Variants in KCNS2 observed in about 807,000 individuals in gnomAD.
The protein encoded by KCNS2 is delayed-rectifier potassium channel regulatory subunit KCNS2.
In KCNS2, 15 loss-of-function variants were observed where a neutral mutation model predicts 28.3. That is an observed-to-expected ratio of 0.53 (90% confidence interval 0.35 to 0.82). The LOEUF is 0.82. Among genes scored for constraint, KCNS2 ranks in the 40% least tolerant of loss-of-function variants. The pLI is 0.01. For missense variants in KCNS2, 501 were observed against 617.1 expected (o/e 0.81, Z 1.99); for synonymous variants, 254 against 256.7 (o/e 0.99, Z 0.10).
rs1818318501 is a variant in KCNS2 at position 98,431,076 on chromosome 8, C to T, written c.*1663C>T. The stretch of plus-strand genomic sequence containing the variant: ...AGAACCCAGGGGTCTGAGCATGGAG[C>T]TATCCAGGGTTTTCATCCAAAGGTT... On this transcript the variant is annotated 3_prime_UTR_variant, in exon 2 of 2. Transcript: ENST00000287042. 1 of 167,082 alleles carries T rather than the reference C, an allele frequency of 6.0e-6. No individual in the cohort carries two copies. Among genetic ancestry groups the T allele is most frequent in the Admixed American group, 6.5e-5 (1 of 15,282 alleles). 10.3% of individuals were successfully genotyped at this position (167,082 alleles called of 1,614,324 possible).
At position 98,429,071 on chromosome 8, in the gene KCNS2, C is replaced by G; in HGVS notation, c.1092C>G (p.Cys364Trp). ...ENEGLATIPA[C>W]WWWATVSMTT... ...AGGGCCTGGCCACCATCCCTGCCTG[C>G]TGGTGGTGGGCTACCGTCAGTATGA... Residue 364 changes from cysteine (C) to tryptophan (W), a missense_variant, in exon 2 of 2, where the codon TGC (cysteine) becomes TGG (tryptophan). By Grantham distance (215) the Cys-to-Trp change is radical. Transcript: ENST00000287042. The G allele has an allele frequency of 6.2e-7, 1 of 1,613,152 alleles. No homozygotes were observed. Among genetic ancestry groups the G allele is most frequent in the South Asian group, 1.1e-5 (1 of 91,008 alleles).
At position 98,428,004 on chromosome 8, in the gene KCNS2, G is replaced by T; in HGVS notation, c.25G>T (p.Val9Leu). MTGQSLWD[V>L]SEANVEDGEI... Reference sequence around the variant, plus strand: ...CATGACCGGCCAGAGCCTGTGGGACGTGTCGGAGGCTAACGTCGAGGACGG... The same window carrying T: ...CATGACCGGCCAGAGCCTGTGGGACTTGTCGGAGGCTAACGTCGAGGACGG... The change falls in exon 2 of 2, where the codon GTG becomes TTG. Residue 9 changes from valine to leucine, a missense_variant. Val to Leu is a conservative substitution (Grantham distance 32). Coordinates refer to ENST00000287042, the MANE Select transcript of KCNS2 (RefSeq NM_020697.4). This position sits in a 1 kb window ranked among gnomAD's most constrained non-coding sequence, Gnocchi z 6.7. The T allele has an allele frequency of 6.3e-7, 1 of 1,576,496 alleles. No homozygotes were observed. The highest frequency in any genetic ancestry group is 8.6e-7 in the Non-Finnish European group (1 of 1,159,510).
rs958612073 is a variant in KCNS2 at position 98,427,964 on chromosome 8, G to C, written c.-16G>C. On this transcript the variant is annotated 5_prime_UTR_variant, in exon 2 of 2. Transcript: ENST00000287042. ...TGTAGCGCCCCCGCGCGGCGCGGGC[G>C]GCCGGCGCCTCCAGCATGACCGGCC... 3 of 1,486,914 alleles carry C rather than the reference G, an allele frequency of 2.0e-6. No individual in the cohort carries two copies. The highest frequency in any genetic ancestry group is 2.5e-5 in the Admixed American group (1 of 40,318). 92.1% of individuals were successfully genotyped at this position (1,486,914 alleles called of 1,614,324 possible).
Position 98,428,455 on chromosome 8 carries a change from C to G in KCNS2, c.476C>G (p.Ser159Cys), listed in dbSNP as rs749919384. The G allele has an allele frequency of 6.8e-6, 11 of 1,614,156 alleles. No homozygotes were observed. Among genetic ancestry groups the G allele is most frequent in the Non-Finnish European group, 9.3e-6 (11 of 1,180,042 alleles). ...ATCCTTGCCTTCTACAACGACGCCT[C>G]CAAGTTCGATGGGCAGCCCCTCGGC... The part of the protein sequence containing the change: ...DEILAFYNDA[S>C]KFDGQPLGNF... The change falls in exon 2 of 2, where the codon TCC (serine) becomes TGC (cysteine). Residue 159 changes from serine (S) to cysteine (C), a missense_variant. Ser to Cys is a moderately radical substitution (Grantham distance 112). Transcript: ENST00000287042. This position sits in a 1 kb window ranked among gnomAD's most constrained non-coding sequence, Gnocchi z 6.7.
Position 98,429,702 on chromosome 8 carries a change from A to C in KCNS2, c.*289A>C. 1 of 385,200 alleles carries C rather than the reference A, an allele frequency of 2.6e-6. No individual in the cohort carries two copies. The allele number at this position is 385,200 out of a possible 1,614,324, so 23.9% of individuals were successfully genotyped here. A position where few individuals can be genotyped will look rare whatever the true frequency, so the allele number is the denominator to read the frequency against. ...CCAGATGAGTACACCCAGAATGCTA[A>C]TTTTTCTGTCCATCGTGTACGCTAT... On this transcript the variant is annotated 3_prime_UTR_variant, in exon 2 of 2. Transcript: ENST00000287042.
chr8:98,428,507 G>T lies in KCNS2; in HGVS notation c.528G>T (p.Ala176=). 1 of 1,614,072 alleles carries T rather than the reference G, an allele frequency of 6.2e-7. No individual in the cohort carries two copies. ...ACTTCCGCAGGCAGCTGTGGCTGGC[G>T]CTGGACAACCCCGGCTACTCAGTGC... is the stretch of plus-strand genomic sequence containing the variant. ...LGNFRRQLWL[A]LDNPGYSVLS... Residue 176 remains alanine (A), a synonymous_variant, in exon 2 of 2, where the codon GCG becomes GCT. Transcript: ENST00000287042. This position sits in a 1 kb window ranked among gnomAD's most constrained non-coding sequence, Gnocchi z 6.7.
At position 98,431,671 on chromosome 8, in the gene KCNS2, T is replaced by C. The variant is rs1012281301; in HGVS notation, c.*2258T>C. ...AATAACTCAGTCACTTTCATGAAGA[T>C]TTTTCTAAACAAGAAGGCTTACCAC... is the stretch of plus-strand genomic sequence containing the variant. On this transcript the variant is annotated 3_prime_UTR_variant, in exon 2 of 2. Transcript: ENST00000287042. 1 of 167,046 alleles carries C rather than the reference T, an allele frequency of 6.0e-6. No homozygotes were observed. Among genetic ancestry groups the C allele is most frequent in the Non-Finnish European group, 1.5e-5 (1 of 68,110 alleles). 10.3% of individuals were successfully genotyped at this position (167,046 alleles called of 1,614,324 possible).
Position 98,428,162 on chromosome 8 carries a change from C to T in KCNS2, c.183C>T (p.Asp61=), listed in dbSNP as rs903547147. The T allele has an allele frequency of 1.2e-6, 2 of 1,614,110 alleles. No homozygotes were observed. Among genetic ancestry groups the T allele is most frequent in the East Asian group, 2.2e-5 (1 of 44,866 alleles). ...SREAILELCD[D]YDDVQREFYF... ...AGGCCATTCTGGAGCTCTGCGATGA[C>T]TACGACGACGTCCAGCGGGAGTTCT... The change falls in exon 2 of 2, where the codon GAC becomes GAT. Residue 61 remains aspartate, a synonymous_variant. Transcript: ENST00000287042. The surrounding 1 kb of genome is among the most constrained non-coding windows in gnomAD (Gnocchi z 6.7).
rs1818250441 is a variant in KCNS2, at chr8:98,427,286, G to C, written c.-86G>C. The C allele has an allele frequency of 6.6e-6, 1 of 151,618 alleles. No homozygotes were observed. Among genetic ancestry groups the C allele is most frequent in the Non-Finnish European group, 1.5e-5 (1 of 67,882 alleles). The allele number at this position is 151,618 out of a possible 1,614,324, so 9.4% of individuals were successfully genotyped here. ...GCCGCGATGCTCGCCCGCGGGTTGG[G>C]GAAGTTTCCCGCCGGCCTCGGCCGC... On this transcript the variant is annotated 5_prime_UTR_variant, in exon 1 of 2. Transcript: ENST00000287042.
At position 98,429,333 on chromosome 8, in the gene KCNS2, G is replaced by A. The variant is rs1818295403; in HGVS notation, c.1354G>A (p.Val452Ile). The A allele has an allele frequency of 1.2e-6, 2 of 1,614,214 alleles. No homozygotes were observed. Among genetic ancestry groups the A allele is most frequent in the African/African-American group, 1.3e-5 (1 of 75,072 alleles). Residue 452 changes from valine (V) to isoleucine (I), a missense_variant, in exon 2 of 2, where the codon GTT (valine) becomes ATT (isoleucine). Val to Ile is a conservative substitution (Grantham distance 29). Transcript: ENST00000287042. Reference sequence around the variant, plus strand: ...TTTAAGGGACTATTATGCCCATAAAGTTAAATCCCTTATGGCAAGCCTGAC... The same window carrying A: ...TTTAAGGGACTATTATGCCCATAAAATTAAATCCCTTATGGCAAGCCTGAC... ...VNLRDYYAHK[V>I]KSLMASLTNM...
rs201873843 is a variant in KCNS2, at chr8:98,429,133, C to T, written c.1154C>T (p.Thr385Met). Residue 385 changes from threonine (T) to methionine (M), a missense_variant, in exon 2 of 2, where the codon ACG (threonine) becomes ATG (methionine). Coordinates refer to ENST00000287042, the MANE Select transcript of KCNS2 (RefSeq NM_020697.4). ...TACGGGGATGTGGTCCCAGGGACCA[C>T]GGCAGGAAAGCTGACTGCCTCTGCC... ...VGYGDVVPGT[T>M]AGKLTASACI... 15 of 1,613,346 alleles carry T rather than the reference C, an allele frequency of 9.3e-6. No homozygotes were observed. Among genetic ancestry groups the T allele is most frequent in the South Asian group, 4.4e-5 (4 of 91,060 alleles).
rs1818336124 is a variant in KCNS2 at position 98,431,760 on chromosome 8, T to C, written c.*2347T>C. 1 of 167,160 alleles carries C rather than the reference T, an allele frequency of 6.0e-6. No homozygotes were observed. Among genetic ancestry groups the C allele is most frequent in the Admixed American group, 6.5e-5 (1 of 15,292 alleles). 10.4% of individuals were successfully genotyped at this position (167,160 alleles called of 1,614,324 possible). A position where few individuals can be genotyped will look rare whatever the true frequency, so the allele number is the denominator to read the frequency against. Reference sequence around the variant, plus strand: ...TGAAAGCTGGAAAACTTGACTTTTCTTTTTGGTAATGACTTGCATTTATCT... The same window carrying C: ...TGAAAGCTGGAAAACTTGACTTTTCCTTTTGGTAATGACTTGCATTTATCT... On this transcript the variant is annotated 3_prime_UTR_variant, in exon 2 of 2. Coordinates refer to ENST00000287042, the MANE Select transcript of KCNS2 (RefSeq NM_020697.4).
chr8:98,427,917 C>T, intron 1 of KCNS2, 21 bp from the exon 2 acceptor site: 2 of 1,375,718 alleles, frequency 1.5e-6, no homozygotes, highest in Non-Finnish European at 1.9e-6. Context: ...CTCTCGCCGA[C>T]GCTGTTCCCT....
chr8:98,431,658 AC>A lies in KCNS2; in HGVS notation c.*2246del, dbSNP rs1365691715. The A allele has an allele frequency of 1.2e-5, 2 of 167,104 alleles. No individual in the cohort carries two copies. The highest frequency in any genetic ancestry group is 2.9e-5 in the Non-Finnish European group (2 of 68,120). The allele number at this position is 167,104 out of a possible 1,614,324, so 10.4% of individuals were successfully genotyped here. ...AGGAACAAGGCAGAATAACTCAGTC[AC>A]TTTCATGAAGATTTTTCTAAACAAG... On this transcript the variant is annotated 3_prime_UTR_variant, in exon 2 of 2. Coordinates refer to ENST00000287042, the MANE Select transcript of KCNS2 (RefSeq NM_020697.4).
In KCNS2 at chr8:98,432,319, C is replaced by G. The variant is rs141071916; in HGVS notation, c.*2906C>G. The G allele has an allele frequency of 4.4e-3, 733 of 167,128 alleles. 7 individuals are homozygous for G. Among genetic ancestry groups the G allele is most frequent in the African/African-American group, 0.016 (681 of 41,536 alleles). The allele number at this position is 167,128 out of a possible 1,614,324, so 10.4% of individuals were successfully genotyped here. ...TGTGAGCTTGAGAGAAGTGTCACTC[C>G]CAGCATTTGAAGGTTATTGTTTTCA... On this transcript the variant is annotated 3_prime_UTR_variant, in exon 2 of 2. Transcript: ENST00000287042.
chr8:98,428,645 C>T lies in KCNS2; in HGVS notation c.666C>T (p.Gly222=), dbSNP rs759268206. The T allele has an allele frequency of 4.3e-6, 7 of 1,614,192 alleles. No individual in the cohort carries two copies. Among genetic ancestry groups the T allele is most frequent in the Non-Finnish European group, 5.9e-6 (7 of 1,180,032 alleles). Residue 222 remains glycine (G), a synonymous_variant, in exon 2 of 2, where the codon GGC becomes GGT. Transcript: ENST00000287042. This position sits in a 1 kb window ranked among gnomAD's most constrained non-coding sequence, Gnocchi z 6.7. ...FQIPDSQGNP[G]EDPRFEIVEH... Reference sequence around the variant, plus strand: ...TCCCTGACAGCCAGGGCAACCCTGGCGAGGACCCTAGGTTCGAAATCGTGG... The same window carrying T: ...TCCCTGACAGCCAGGGCAACCCTGGTGAGGACCCTAGGTTCGAAATCGTGG...
rs1275336080 is a variant in KCNS2, at chr8:98,428,071, G to A, written c.92G>A (p.Arg31His). Residue 31 changes from arginine (R) to histidine (H), a missense_variant, in exon 2 of 2, where the codon CGC becomes CAC. Transcript: ENST00000287042. This position sits in a 1 kb window ranked among gnomAD's most constrained non-coding sequence, Gnocchi z 6.7. ...GTGGGCGGCTTCAAGAGGAGGCTGC[G>A]CTCGCACACGCTGCTGCGCTTCCCC... ...INVGGFKRRL[R>H]SHTLLRFPET... 1.2e-6 allele frequency: 2 copies of A among 1,613,426 alleles called. No homozygotes were observed. The highest frequency in any genetic ancestry group is 2.2e-5 in the East Asian group (1 of 44,844).
Position 98,428,237 on chromosome 8 carries a change from C to T in KCNS2, c.258C>T (p.His86=). 1 of 1,614,172 alleles carries T rather than the reference C, an allele frequency of 6.2e-7. No homozygotes were observed. The change falls in exon 2 of 2, where the codon CAC becomes CAT. Residue 86 remains histidine (H), a synonymous_variant. Coordinates refer to ENST00000287042, the MANE Select transcript of KCNS2 (RefSeq NM_020697.4). The surrounding 1 kb of genome is among the most constrained non-coding windows in gnomAD (Gnocchi z 6.7). ...TCCCCTACGTGCTGCATTTCTATCA[C>T]ACCGGCAAGCTTCACGTCATGGCTG... The part of the protein sequence containing the change: ...ELFPYVLHFY[H]TGKLHVMAEL...
At position 98,429,052 on chromosome 8, in the gene KCNS2, T is replaced by G; in HGVS notation, c.1073T>G (p.Leu358Arg). 1 of 1,613,240 alleles carries G rather than the reference T, an allele frequency of 6.2e-7. No homozygotes were observed. The highest frequency in any genetic ancestry group is 8.5e-7 in the Non-Finnish European group (1 of 1,179,312). The part of the protein sequence containing the change: ...YTIEKEENEG[L>R]ATIPACWWWA... ...ATTGAAAAGGAGGAGAACGAGGGCC[T>G]GGCCACCATCCCTGCCTGCTGGTGG... The change falls in exon 2 of 2, where the codon CTG becomes CGG. Residue 358 changes from leucine (L) to arginine (R), a missense_variant. By Grantham distance (102) the Leu-to-Arg change is moderately radical. Transcript: ENST00000287042.
Sources: gnomAD v4.1 joint callset for allele counts on GRCh38, gnomAD v4.1.1 for gene constraint, Gnocchi (gnomAD v3.1) non-coding constraint, MANE v1.5 for transcripts, NCBI Gene and HGNC (gene_info 2026-07-23, HGNC 2026-07-21) for gene names.